The following TRDN variants were observed in gnomAD, a reference collection of about 807,000 sequenced individuals.
The protein encoded by TRDN is triadin, also known as triadin in skeletal muscle.
In TRDN, 161 loss-of-function variants were observed where a neutral mutation model predicts 149.7. The observed-to-expected ratio is 1.08, with a 90% CI of 0.95 to 1.23. TRDN has a LOEUF of 1.23. Among genes scored for constraint, TRDN ranks in the 50% most tolerant of loss-of-function variants. The pLI, the probability that TRDN is intolerant of heterozygous loss-of-function variation, is 0.00. For synonymous variants in TRDN, 294 were observed against 250.5 expected (o/e 1.17, Z -1.64); for missense variants, 896 against 823.5 (o/e 1.09, Z -1.08).
At chr6:123,274,185 A>G (rs533276568) in intron 27 of TRDN, among the ~76,000 whole-genome samples, 1 of 152,214 alleles carries the variant, frequency 6.6e-6, no homozygotes, top group African/African-American at 2.4e-5. Context: ...TAAAAATCCT[A>G]TGCTAGTCCT....
At chr6:123,300,271 A>G (rs2114667652) in intron 24 of TRDN, among the ~76,000 whole-genome samples, 1 of 152,146 alleles carries the variant, frequency 6.6e-6, no homozygotes, top group South Asian at 2.1e-4. Flanking sequence ...CCCATAAAGT[A>G]CATAAGCAAG....
chr6:123,425,538 T>G (rs918532839), intron 12 of TRDN, among the ~76,000 whole-genome samples: 3 of 151,904 alleles, frequency 2.0e-5, no homozygotes, highest in African/African-American at 7.3e-5. Context: ...GCTTCCAATT[T>G]GGGATTCCAG....
chr6:123,273,765 G>A (rs1777281030), intron 27 of TRDN, among the ~76,000 whole-genome samples: 1 of 151,990 alleles, frequency 6.6e-6, no homozygotes, highest in Non-Finnish European at 1.5e-5. Flanking sequence ...TTGTATTCTT[G>A]ATTTGTTGAT....
At chr6:123,483,563 C>T (rs1056341181) in intron 9 of TRDN, among the ~76,000 whole-genome samples, 33 of 152,230 alleles carry the variant, frequency 2.2e-4, no homozygotes, top group African/African-American at 6.7e-4. Flanking sequence ...TGATAAAACA[C>T]GCCTTGATAA....
intron 24 of TRDN, among the ~76,000 whole-genome samples, chr6:123,301,223 A>AT (rs1358247371): frequency 6.6e-6 from 1 of 151,996 alleles, no homozygotes; most frequent in Admixed American, 6.6e-5. Flanking sequence ...TTGTAGTGGT[A>AT]TTTTTCAAGT....
intron 12 of TRDN, among the ~76,000 whole-genome samples, chr6:123,430,842 T>G (rs1409907314): frequency 6.6e-6 from 1 of 152,172 alleles, no homozygotes; most frequent in Non-Finnish European, 1.5e-5. Context: ...CTCACTTTTG[T>G]ATTGTTCAAA....
At chr6:123,411,995 C>A (rs1049822125) in intron 12 of TRDN, 1 of 152,120 alleles carries the variant, frequency 6.6e-6, no homozygotes, top group Non-Finnish European at 1.5e-5. Flanking sequence ...GCTTATGAGA[C>A]CAGATAGTTA....
chr6:123,616,147 T>C (rs1487149419), intron 1 of TRDN, among the ~76,000 whole-genome samples: 1 of 152,128 alleles, frequency 6.6e-6, no homozygotes, highest in Admixed American at 6.5e-5. Context: ...GGCTAGGAAT[T>C]TGAGACCAGC....
intron 23 of TRDN, among the ~76,000 whole-genome samples, chr6:123,330,803 C>T (rs545687458): frequency 8.5e-5 from 13 of 152,136 alleles, no homozygotes; most frequent in African/African-American, 3.1e-4. Context: ...TGGTGGCTCT[C>T]CATGCATCCT....
chr6:123,382,868 G>T (rs1477293771), intron 14 of TRDN, among the ~76,000 whole-genome samples: 1 of 151,892 alleles, frequency 6.6e-6, no homozygotes, highest in East Asian at 1.9e-4. Context: ...AAAACAAGAG[G>T]TTTTTAAGCT....
chr6:123,344,226 C>T (rs1386409768), intron 21 of TRDN, among the ~76,000 whole-genome samples: 1 of 152,050 alleles, frequency 6.6e-6, no homozygotes, highest in Non-Finnish European at 1.5e-5. Flanking sequence ...ATCAGTATCC[C>T]TCAAGAGTGT....
At chr6:123,474,926 G>C (rs1777387196) in intron 9 of TRDN, among the ~76,000 whole-genome samples, 1 of 152,136 alleles carries the variant, frequency 6.6e-6, no homozygotes, top group African/African-American at 2.4e-5. Flanking sequence ...ATTCAAAGCA[G>C]TGTGTAGAGG....
chr6:123,360,703 AAGAG>A (rs930420318), intron 20 of TRDN, among the ~76,000 whole-genome samples: 5 of 114,244 alleles, frequency 4.4e-5, no homozygotes, highest in South Asian at 3.2e-4. Flanking sequence ...GACAGAGAGA[AAGAG>A]AGAGAGAGAG....
At chr6:123,540,890 G>A (rs115504084) in intron 4 of TRDN, among the ~76,000 whole-genome samples, 1,810 of 152,302 alleles carry the variant, frequency 0.012, 17 homozygotes, top group Admixed American at 0.02. Context: ...ACAAAGTTGA[G>A]AACCATTGGT....
intron 26 of TRDN, among the ~76,000 whole-genome samples, chr6:123,275,806 T>G (rs962249066): frequency 1.3e-5 from 2 of 152,122 alleles, no homozygotes; most frequent in East Asian, 1.9e-4. Context: ...TAGAGAAAGC[T>G]CTTGTCATTT....
intron 12 of TRDN, among the ~76,000 whole-genome samples, chr6:123,420,384 ATT>A (rs755955611): frequency 0.46 from 48,182 of 104,864 alleles, 7,862 homozygotes; most frequent in Middle Eastern, 0.5. Flanking sequence ...AGATGCAAGG[ATT>A]TTTTTAAAAA....
intron 24 of TRDN, among the ~76,000 whole-genome samples, chr6:123,301,741 G>GTATATATACATATATATATATACATATA (rs1778404615): frequency 1.1e-4 from 5 of 47,354 alleles, no homozygotes; most frequent in African/African-American, 2.7e-4. Flanking sequence ...ATGTATGTAT[G>GTATATATACATATATATATATACATATA]TATATATATA....
intron 24 of TRDN, among the ~76,000 whole-genome samples, chr6:123,288,406 C>T (rs1777875576): frequency 6.6e-6 from 1 of 151,932 alleles, no homozygotes; most frequent in African/African-American, 2.4e-5. Context: ...AACTAAAAAG[C>T]CTCTGCACAG....
At chr6:123,391,420 G>T (rs1356091598) in intron 13 of TRDN, among the ~76,000 whole-genome samples, 1 of 151,830 alleles carries the variant, frequency 6.6e-6, no homozygotes, top group Admixed American at 6.6e-5. Context: ...TCTTCAAAAT[G>T]TTAATGACAT....
Sources: gnomAD v4.1 joint callset for allele counts (sites outside exome capture counted in the v4.1 genomes callset) on GRCh38, gnomAD v4.1.1 for gene constraint, MANE v1.5 for transcripts, NCBI Gene and HGNC (gene_info 2026-07-23, HGNC 2026-07-21) for gene names.